MALL: variants seen among roughly 807,000 people sequenced by gnomAD.
MALL encodes mal, T cell differentiation protein like, also known as MAL-like protein.
In MALL, 2 loss-of-function variants were observed where a neutral mutation model predicts 10.3. The observed-to-expected ratio is 0.19, with a 90% CI of 0.08 to 0.61. The LOEUF (loss-of-function observed/expected upper bound fraction) is 0.61. Among genes scored for constraint, MALL ranks in the 20% least tolerant of loss-of-function variants. The probability of loss-of-function intolerance (pLI) is 0.88; values close to 1 mark genes in which losing one functional copy is unlikely to be tolerated. For synonymous variants in MALL, 27 were observed against 51.8 expected (o/e 0.52, Z 2.05); for missense variants, 39 against 115.2 (o/e 0.34, Z 3.03).
upstream of MALL, chr2:110,116,598 C>T (rs1678927941): frequency 6.6e-6 from 1 of 152,528 alleles, no homozygotes; most frequent in Non-Finnish European, 1.5e-5. Flanking sequence ...GGCCTTCCTT[C>T]CAGCCAGTGC....
intron 1 of MALL, 94 bp downstream of exon 1, chr2:110,115,594 G>T: frequency 1.6e-6 from 1 of 621,328 alleles, no homozygotes; most frequent in Non-Finnish European, 2.4e-6. Flanking sequence ...TCTCGGTCCG[G>T]TCTGGGTCTC....
intron 1 of MALL, among the ~76,000 whole-genome samples, chr2:110,095,814 C>G (rs1262467590): frequency 6.6e-6 from 1 of 151,970 alleles, no homozygotes; most frequent in Non-Finnish European, 1.5e-5. Flanking sequence ...GTTACCACAC[C>G]AGATAGTGAG....
intron 1 of MALL, among the ~76,000 whole-genome samples, chr2:110,102,053 A>G (rs777633304): frequency 6.6e-6 from 1 of 151,932 alleles, no homozygotes; most frequent in Non-Finnish European, 1.5e-5. Context: ...GATTAACTTC[A>G]TGTTCCTGCC....
In MALL at chr2:110,100,271, G is replaced by T. The variant is rs537529301; in HGVS notation, c.106-8501C>A. 1.6e-3 allele frequency among the ~76,000 whole-genome samples: 247 copies of T among 152,230 alleles called. 4 individuals carry two copies. Among genetic ancestry groups the T allele is most frequent in the Middle Eastern group, 3.4e-3 (1 of 294 alleles). On this transcript the variant is annotated intron_variant, in intron 1 of 3. Coordinates refer to ENST00000272462, the MANE Select transcript of MALL (RefSeq NM_005434.5). ...AGGTGGGAGGATTGCTTGAGGCTAG[G>T]CATTTGAGGCCAGCCTAGGCAACAA...
At chr2:110,117,624 TGAGAGAGAGAGAGAGA>T (rs70958730), upstream of MALL, among the ~76,000 whole-genome samples, 3 of 122,718 alleles carry the variant, frequency 2.4e-5, no homozygotes, top group African/African-American at 9.4e-5. Context: ...TGTGTGTGTG[TGAGAGAGAGAGAGAGA>T]GAGAGAGAGA....
upstream of MALL, among the ~76,000 whole-genome samples, chr2:110,118,005 T>C (rs1332277814): frequency 6.6e-6 from 1 of 151,970 alleles, no homozygotes; most frequent in Non-Finnish European, 1.5e-5. Flanking sequence ...GGAAAGAAAA[T>C]GGGAAACTCA....
chr2:110,115,063 C>A (rs1678878567), intron 1 of MALL, among the ~76,000 whole-genome samples: 1 of 152,064 alleles, frequency 6.6e-6, no homozygotes, highest in African/African-American at 2.4e-5. Context: ...TCATTTGCAA[C>A]CAGGGTGCCG....
At chr2:110,092,814 C>T (rs1318845545) in intron 1 of MALL, among the ~76,000 whole-genome samples, 235 of 104,420 alleles carry the variant, frequency 2.3e-3, no homozygotes, top group Admixed American at 4.0e-3. Context: ...TTTCCTTCTT[C>T]CTGGAGTGCA....
chr2:110,116,840 C>T (rs762566241), upstream of MALL, among the ~76,000 whole-genome samples: 31 of 152,172 alleles, frequency 2.0e-4, no homozygotes, highest in Non-Finnish European at 3.4e-4. Context: ...CTTCTTCCTG[C>T]CCCCTGCTGC....
intron 1 of MALL, among the ~76,000 whole-genome samples, chr2:110,114,346 C>G (rs750270378): frequency 3.9e-5 from 6 of 152,042 alleles, no homozygotes; most frequent in Non-Finnish European, 7.4e-5. Flanking sequence ...CAGGAAACCA[C>G]CAGGAGGCAG....
chr2:110,112,735 A>T (rs1250994216), intron 1 of MALL, among the ~76,000 whole-genome samples: 1 of 152,068 alleles, frequency 6.6e-6, no homozygotes, highest in Admixed American at 6.5e-5. Flanking sequence ...ACTACTCAGT[A>T]TCAATCCAGA....
At chr2:110,103,132 G>A (rs1281659648) in intron 1 of MALL, among the ~76,000 whole-genome samples, 1 of 152,072 alleles carries the variant, frequency 6.6e-6, no homozygotes, top group South Asian at 2.1e-4. Context: ...CACTGAGACT[G>A]TACTCTGGGA....
At chr2:110,106,742 C>T (rs887813585) in intron 1 of MALL, among the ~76,000 whole-genome samples, 1 of 152,068 alleles carries the variant, frequency 6.6e-6, no homozygotes, top group Admixed American at 6.5e-5. Context: ...GAGCATTACC[C>T]CCACACAAAA....
At chr2:110,115,543 C>T (rs545299823) in intron 1 of MALL, 145 bp downstream of exon 1, 147 of 433,142 alleles carry the variant, frequency 3.4e-4, no homozygotes, top group Admixed American at 7.2e-4. Context: ...TCTCCCCCCC[C>T]CTCTCTGCAG....
intron 1 of MALL, among the ~76,000 whole-genome samples, chr2:110,095,700 A>G (rs911659426): frequency 7.0e-4 from 104 of 148,664 alleles, no homozygotes; most frequent in African/African-American, 2.5e-3. Flanking sequence ...TAAAAAAAGA[A>G]AAAAAAAAGA....
intron 1 of MALL, among the ~76,000 whole-genome samples, chr2:110,107,321 A>C (rs1678717673): frequency 6.6e-6 from 1 of 151,800 alleles, no homozygotes; most frequent in Non-Finnish European, 1.5e-5. Flanking sequence ...CTTGCCCTCC[A>C]CCTAGAAACA....
intron 1 of MALL, among the ~76,000 whole-genome samples, chr2:110,109,157 G>A (rs1678752395): frequency 6.6e-6 from 1 of 152,010 alleles, no homozygotes; most frequent in African/African-American, 2.4e-5. Flanking sequence ...CATAACCAAA[G>A]TAGACAGGCA....
upstream of MALL, chr2:110,116,429 T>G (rs1203348560): frequency 1.3e-5 from 2 of 152,602 alleles, no homozygotes; most frequent in Non-Finnish European, 2.9e-5. Flanking sequence ...TGGTGTTTCC[T>G]TCTTTTTCTG....
intron 1 of MALL, among the ~76,000 whole-genome samples, chr2:110,095,904 T>C (rs1263750110): frequency 6.6e-6 from 1 of 152,136 alleles, no homozygotes; most frequent in African/African-American, 2.4e-5. Context: ...CGCTTGAGCT[T>C]CTTACAGCTA....
Sources: allele counts gnomAD v4.1 joint callset (sites outside exome capture counted in the v4.1 genomes callset), GRCh38; gene constraint gnomAD v4.1.1; transcripts MANE v1.5; gene names NCBI Gene and HGNC (gene_info 2026-07-23, HGNC 2026-07-21).